BCL2: variants seen among roughly 807,000 people sequenced by gnomAD.
The protein encoded by BCL2 is apoptosis regulator Bcl-2.
BCL2 carries 1 observed loss-of-function variant against 14.2 expected under a neutral mutation model. The ratio of observed to expected loss-of-function variants is 0.07; its 90% CI spans 0.02 to 0.33. BCL2 has a LOEUF of 0.33. Ranked by LOEUF, BCL2 falls within the 10% of genes least tolerant of loss-of-function variation. BCL2 has a pLI of 0.99. For synonymous variants in BCL2, 151 were observed against 137.2 expected (o/e 1.10, Z -0.70); for missense variants, 247 against 305.9 (o/e 0.81, Z 1.44).
chr18:63,215,320 C>T (rs948823579), intron 2 of BCL2, among the ~76,000 whole-genome samples: 21 of 152,164 alleles, frequency 1.4e-4, no homozygotes, highest in African/African-American at 5.1e-4. Flanking sequence ...AGTCATCTCA[C>T]GTCCTGTAAG....
At chr18:63,240,094 A>G (rs1910957057) in intron 2 of BCL2, among the ~76,000 whole-genome samples, 1 of 152,088 alleles carries the variant, frequency 6.6e-6, no homozygotes, top group South Asian at 2.1e-4. Flanking sequence ...GGCTCAAGCA[A>G]TCCTCCCACC....
intron 2 of BCL2, among the ~76,000 whole-genome samples, chr18:63,218,217 T>C (rs567630569): frequency 6.9e-6 from 1 of 145,034 alleles, no homozygotes; most frequent in Non-Finnish European, 1.6e-5. Flanking sequence ...ATGTCTTTTC[T>C]GTCTGACACC....
intron 2 of BCL2, 188 bp downstream of exon 2, chr18:63,317,894 C>T: frequency 2.8e-6 from 4 of 1,425,676 alleles, no homozygotes; most frequent in Non-Finnish European, 3.7e-6. Flanking sequence ...AGATGGCAGG[C>T]GTTATCGGTC....
intron 2 of BCL2, among the ~76,000 whole-genome samples, chr18:63,273,999 C>T (rs1238351197): frequency 6.6e-6 from 1 of 152,196 alleles, no homozygotes; most frequent in Non-Finnish European, 1.5e-5. Flanking sequence ...TGGAAACTCT[C>T]TGGACATTTT....
chr18:63,245,392 A>G (rs1175927947), intron 2 of BCL2, among the ~76,000 whole-genome samples: 2 of 118,282 alleles, frequency 1.7e-5, no homozygotes, highest in Non-Finnish European at 4.4e-5. Context: ...CAGTGCCAAT[A>G]CATTTCAACC....
At chr18:63,274,277 C>CTTTTTTTTTTTTTTTTTT (rs74169950) in intron 2 of BCL2, among the ~76,000 whole-genome samples, 2 of 86,752 alleles carry the variant, frequency 2.3e-5, no homozygotes, top group African/African-American at 4.4e-5. Flanking sequence ...TAAAGATACT[C>CTTTTTTTTTTTTTTTTTT]TTTTTTTTTT....
chr18:63,216,319 G>A (rs8095050), intron 2 of BCL2, among the ~76,000 whole-genome samples: 65,600 of 150,888 alleles, frequency 0.43, 16,458 homozygotes, highest in Non-Finnish European at 0.58. Flanking sequence ...AATCAGTAAC[G>A]TCAAGGTGAG....
chr18:63,237,485 T>C (rs1910873539), intron 2 of BCL2, among the ~76,000 whole-genome samples: 1 of 152,202 alleles, frequency 6.6e-6, no homozygotes, highest in Non-Finnish European at 1.5e-5. Flanking sequence ...ACTAGGTGCC[T>C]TAACGGGCCT....
chr18:63,300,775 G>T (rs1044164314), intron 2 of BCL2, among the ~76,000 whole-genome samples: 4 of 152,084 alleles, frequency 2.6e-5, no homozygotes, highest in African/African-American at 9.7e-5. Flanking sequence ...AGAGATCTTT[G>T]TGACTGCCTG....
At chr18:63,299,115 T>C (rs931701425) in intron 2 of BCL2, among the ~76,000 whole-genome samples, 1 of 152,202 alleles carries the variant, frequency 6.6e-6, no homozygotes, top group African/African-American at 2.4e-5. Context: ...CGAATAGTGA[T>C]AGAACGTTTA....
intron 2 of BCL2, among the ~76,000 whole-genome samples, chr18:63,224,172 G>A (rs912426143): frequency 2.0e-5 from 3 of 152,134 alleles, no homozygotes; most frequent in African/African-American, 7.2e-5. Context: ...AAAAGATAAA[G>A]AGATGGAAAA....
At chr18:63,216,294 GA>G (rs1910200299) in intron 2 of BCL2, among the ~76,000 whole-genome samples, 1 of 151,024 alleles carries the variant, frequency 6.6e-6, no homozygotes, top group South Asian at 2.1e-4. Context: ...CAAAAGAAAT[GA>G]AAATCCATTT....
intron 2 of BCL2, among the ~76,000 whole-genome samples, chr18:63,212,017 A>G (rs1910022092): frequency 6.6e-6 from 1 of 152,114 alleles, no homozygotes; most frequent in African/African-American, 2.4e-5. Context: ...GTTGCCCCTA[A>G]CCATGTGGCC....
At chr18:63,169,363 TTCTTTCTC>T (rs1915156072) in intron 2 of BCL2, among the ~76,000 whole-genome samples, 1 of 57,454 alleles carries the variant, frequency 1.7e-5, no homozygotes, top group African/African-American at 8.4e-5. Context: ...CTTTCTTTCT[TTCTTTCTC>T]TTTCTTTCTT....
In BCL2 at chr18:63,318,073, T is replaced by G. The variant is rs2144320921; in HGVS notation, c.585+9A>C. On this transcript the variant is annotated intron_variant, in intron 2 of 2. Transcript: ENST00000333681. The surrounding 1 kb of genome is among the most constrained non-coding windows in gnomAD (Gnocchi z 7.4). The stretch of plus-strand genomic sequence containing the variant: ...CTCAGCCCAGACTCACATCACCAAG[T>G]GCACCTACCCAGCCTCCGTTATCCT... The G allele has an allele frequency of 6.2e-7, 1 of 1,613,648 alleles. No individual in the cohort carries two copies. Among genetic ancestry groups the G allele is most frequent in the Non-Finnish European group, 8.5e-7 (1 of 1,179,806 alleles).
At chr18:63,167,708 A>C (rs1915078267) in intron 2 of BCL2, among the ~76,000 whole-genome samples, 1 of 152,150 alleles carries the variant, frequency 6.6e-6, no homozygotes, top group South Asian at 2.1e-4. Flanking sequence ...CGGGTGGATC[A>C]TAAGGTCAAG....
At chr18:63,132,297 A>G (rs1054772047) in intron 2 of BCL2, among the ~76,000 whole-genome samples, 3 of 152,208 alleles carry the variant, frequency 2.0e-5, no homozygotes, top group Non-Finnish European at 4.4e-5. Flanking sequence ...TGTAAATTGG[A>G]TACAGAAAGT....
chr18:63,195,371 A>T (rs898212165), intron 2 of BCL2, among the ~76,000 whole-genome samples: 3 of 152,226 alleles, frequency 2.0e-5, no homozygotes, highest in African/African-American at 4.8e-5. Context: ...GAAAAGTTAC[A>T]TGTGTAGAAA....
At chr18:63,234,754 G>A (rs1450071977) in intron 2 of BCL2, among the ~76,000 whole-genome samples, 1 of 152,170 alleles carries the variant, frequency 6.6e-6, no homozygotes, top group Non-Finnish European at 1.5e-5. Context: ...TGAGACCTTA[G>A]TCAATTTACT....
Sources: gnomAD v4.1 joint callset for allele counts (sites outside exome capture counted in the v4.1 genomes callset) on GRCh38, gnomAD v4.1.1 for gene constraint, Gnocchi (gnomAD v3.1) non-coding constraint, MANE v1.5 for transcripts, NCBI Gene and HGNC (gene_info 2026-07-23, HGNC 2026-07-21) for gene names.